The following LAMB3 variants were observed in gnomAD, a reference collection of about 807,000 sequenced individuals.
LAMB3 encodes laminin subunit beta 3, also known as laminin subunit beta-3.
Under a neutral mutation model 140.3 loss-of-function variants are expected in LAMB3, and 104 were observed. The observed-to-expected ratio is 0.74, with a 90% CI of 0.63 to 0.87. The LOEUF is 0.87. Ranked by LOEUF, LAMB3 falls within the 40% of genes least tolerant of loss-of-function variation. LAMB3 has a pLI of 0.00. For missense variants in LAMB3, 1,531 were observed against 1,575.2 expected (o/e 0.97, Z 0.47); for synonymous variants, 592 against 602.9 (o/e 0.98, Z 0.26).
chr1:209,649,821 T>G lies in LAMB3; in HGVS notation c.183+143A>C, dbSNP rs12089371. ...ATTCCTTAGAGGCAAGGATCTGGCC[T>G]TATACTTTTACTGCACTCCCCAGTC... On this transcript the variant is annotated intron_variant, in intron 3 of 22. Coordinates refer to ENST00000356082, the MANE Select transcript of LAMB3 (RefSeq NM_000228.3). The G allele has an allele frequency of 0.012, 10,742 of 917,972 alleles. 528 individuals are homozygous for G. The East Asian group carries it at 0.13, about 11-fold the overall frequency. The allele number at this position is 917,972 out of a possible 1,614,324, so 56.9% of individuals were successfully genotyped here. A position where few individuals can be genotyped will look rare whatever the true frequency, so the allele number is the denominator to read the frequency against.
At chr1:209,626,293 G>T (rs1364465034) in intron 13 of LAMB3, among the ~76,000 whole-genome samples, 1 of 152,184 alleles carries the variant, frequency 6.6e-6, no homozygotes, top group Non-Finnish European at 1.5e-5. Context: ...TAGCACTCTT[G>T]TTTTCCCACT....
intron 3 of LAMB3, among the ~76,000 whole-genome samples, chr1:209,644,395 C>T (rs1182360097): frequency 6.6e-6 from 1 of 152,176 alleles, no homozygotes; most frequent in African/African-American, 2.4e-5. Context: ...CAGCCTCAGT[C>T]CTCAGCAGTG....
intron 5 of LAMB3, among the ~76,000 whole-genome samples, chr1:209,635,817 A>G (rs557106264): frequency 5.3e-5 from 8 of 152,254 alleles, no homozygotes; most frequent in African/African-American, 1.9e-4. Context: ...ATCCTCCAAT[A>G]CTATTCTGGA....
intron 3 of LAMB3, among the ~76,000 whole-genome samples, chr1:209,644,409 A>G (rs924721888): frequency 5.3e-5 from 8 of 152,198 alleles, no homozygotes; most frequent in African/African-American, 1.9e-4. Context: ...AGCAGTGTAC[A>G]TATATTATCT....
In LAMB3 at chr1:209,651,007, T is replaced by A. The variant is rs145315604; in HGVS notation, c.-37-26A>T. On this transcript the variant is annotated intron_variant, in intron 1 of 22. Transcript: ENST00000356082. Reference sequence around the variant, plus strand: ...CTAGGACACAGCAAAGCAAACTGGGTACAACAGTGCAAACCCCTAGAGCAC... The same window carrying A: ...CTAGGACACAGCAAAGCAAACTGGGAACAACAGTGCAAACCCCTAGAGCAC... 421 of 1,474,740 alleles carry A rather than the reference T, an allele frequency of 2.9e-4. 3 individuals are homozygous for A. In the African/African-American group the frequency reaches 5.2e-3, roughly 18 times the overall value. 91.4% of individuals were successfully genotyped at this position (1,474,740 alleles called of 1,614,324 possible).
At position 209,617,503 on chromosome 1, in the gene LAMB3, C is replaced by T. The variant is rs756650682; in HGVS notation, c.3135G>A (p.Glu1045=). ...CCTGCTGCCGGGCTTGGTGGCGGAG[C>T]TCCTCCATCCGTGTCCAGAAGTCAC... ...QLGDFWTRME[E]LRHQARQQGA... is the part of the protein sequence containing the mutation. The change falls in exon 21 of 23, where the codon GAG becomes GAA. Residue 1045 remains glutamate, a synonymous_variant. Coordinates refer to ENST00000356082, the MANE Select transcript of LAMB3 (RefSeq NM_000228.3). 1 of 1,614,090 alleles carries T rather than the reference C, an allele frequency of 6.2e-7. No individual in the cohort carries two copies. The highest frequency in any genetic ancestry group is 1.1e-5 in the South Asian group (1 of 91,090).
At chr1:209,627,642 A>T in intron 11 of LAMB3, 63 bp from the exon 12 acceptor site, 1 of 1,498,788 alleles carries the variant, frequency 6.7e-7, no homozygotes, top group Non-Finnish European at 9.2e-7. Flanking sequence ...CCCAGAGGAC[A>T]CACATCCAGG....
chr1:209,623,576 C>T lies in LAMB3; in HGVS notation c.2287G>A (p.Gly763Ser), dbSNP rs759042889. Reference sequence around the variant, plus strand: ...CTCAGGGCCACAAGCTTGGGGCTGCCGGTGCCTCCTCCTCCTCCCGCCTGC... The same window carrying T: ...CTCAGGGCCACAAGCTTGGGGCTGCTGGTGCCTCCTCCTCCTCCCGCCTGC... ...VRQAGGGGGTGSPKLVALRLE... is the reference protein window; with the variant it reads ...VRQAGGGGGTSSPKLVALRLE... The change falls in exon 16 of 23, where the codon GGC becomes AGC. Residue 763 changes from glycine (G) to serine (S), a missense_variant. Transcript: ENST00000356082. This position sits in a 1 kb window ranked among gnomAD's most constrained non-coding sequence, Gnocchi z 4.2. 2.4e-5 allele frequency: 39 copies of T among 1,614,060 alleles called. No homozygotes were observed. The highest frequency in any genetic ancestry group is 2.2e-4 in the South Asian group (20 of 91,088).
intron 3 of LAMB3, among the ~76,000 whole-genome samples, chr1:209,639,453 G>A (rs2076444511): frequency 6.6e-6 from 1 of 152,156 alleles, no homozygotes; most frequent in Non-Finnish European, 1.5e-5. Flanking sequence ...GCCTCACTGG[G>A]GAGGTCACCA....
At chr1:209,616,425 C>G (rs766113075) in intron 22 of LAMB3, 46 bp downstream of exon 22, 1 of 1,609,480 alleles carries the variant, frequency 6.2e-7, no homozygotes, top group Non-Finnish European at 8.5e-7. Flanking sequence ...GTGGGACCAG[C>G]CTTCATGAAT....
At position 209,618,611 on chromosome 1, in the gene LAMB3, A is replaced by G. The variant is rs1289055368; in HGVS notation, c.2750T>C (p.Leu917Pro). The change falls in exon 19 of 23, where the codon CTG becomes CCG. Residue 917 changes from leucine (L) to proline (P), a missense_variant. Coordinates refer to ENST00000356082, the MANE Select transcript of LAMB3 (RefSeq NM_000228.3). Reference sequence around the variant, plus strand: ...TGAGTCTGTGGGCAGCCACAGGGCCAGCACGGCCTCGCTGACCTCCTGGAT... The same window carrying G: ...TGAGTCTGTGGGCAGCCACAGGGCCGGCACGGCCTCGCTGACCTCCTGGAT... ...ATIQEVSEAVLALWLPTDSAT... is the reference protein window; with the variant it reads ...ATIQEVSEAVPALWLPTDSAT... 6.8e-6 allele frequency: 11 copies of G among 1,614,260 alleles called. No individual in the cohort carries two copies. Among genetic ancestry groups the G allele is most frequent in the Non-Finnish European group, 9.3e-6 (11 of 1,180,044 alleles).
At position 209,651,201 on chromosome 1, in the gene LAMB3, A is replaced by C. The variant is rs2076563854; in HGVS notation, c.-37-220T>G. On this transcript the variant is annotated intron_variant, in intron 1 of 22. Coordinates refer to ENST00000356082, the MANE Select transcript of LAMB3 (RefSeq NM_000228.3). ...TGTGACTCACAGGGTGCCCTGGGAA[A>C]ATCCCATCCCTTCCCAGACTCCAGC... is the stretch of plus-strand genomic sequence containing the variant. The C allele has an allele frequency of 7.4e-6, 4 of 543,526 alleles. No homozygotes were observed. In the East Asian group the frequency reaches 1.3e-4, roughly 18 times the overall value. 33.7% of individuals were successfully genotyped at this position (543,526 alleles called of 1,614,324 possible). A position where few individuals can be genotyped will look rare whatever the true frequency, so the allele number is the denominator to read the frequency against.
chr1:209,622,100 T>A (rs559178346), intron 18 of LAMB3, among the ~76,000 whole-genome samples: 2 of 152,084 alleles, frequency 1.3e-5, no homozygotes, highest in Non-Finnish European at 1.5e-5. Flanking sequence ...CAAATAAACA[T>A]CCCTGAAGCA....
At chr1:209,637,135 A>G (rs1230347641) in intron 5 of LAMB3, among the ~76,000 whole-genome samples, 5 of 152,210 alleles carry the variant, frequency 3.3e-5, no homozygotes, top group African/African-American at 1.2e-4. Context: ...TATTCAAACA[A>G]TGCTGGCATT....
rs550653090 is a variant in LAMB3 at position 209,648,243 on chromosome 1, G to T, written c.183+1721C>A. Among the ~76,000 whole-genome samples, 6 of 152,218 alleles carry T rather than the reference G, an allele frequency of 3.9e-5. No individual in the cohort carries two copies. In the East Asian group the frequency reaches 1.2e-3, roughly 29 times the overall value. ...TGCCAAAGAATGTTAGGGAAAAGGAGGGACCCTAAAGACCATCTCATCTAA... is the reference window on the plus strand; with the variant it reads ...TGCCAAAGAATGTTAGGGAAAAGGATGGACCCTAAAGACCATCTCATCTAA... On this transcript the variant is annotated intron_variant, in intron 3 of 22. Transcript: ENST00000356082.
chr1:209,622,350 T>C (rs554321017), intron 18 of LAMB3, among the ~76,000 whole-genome samples, 186 bp downstream of exon 18: 3 of 152,076 alleles, frequency 2.0e-5, no homozygotes, highest in African/African-American at 2.4e-5. Context: ...TCACAAGGGA[T>C]TGGAGTGGGT....
chr1:209,635,141 C>T lies in LAMB3; in HGVS notation c.373-503G>A, dbSNP rs948046162. On this transcript the variant is annotated intron_variant, in intron 5 of 22. Coordinates refer to ENST00000356082, the MANE Select transcript of LAMB3 (RefSeq NM_000228.3). ...TAGCATGACATATTGAGTCCCTGCT[C>T]CTTCCTACAAAATGATTTCATCCAT... Among the ~76,000 whole-genome samples the T allele has an allele frequency of 4.8e-4, 73 of 152,156 alleles. 1 individual carries two copies. Among genetic ancestry groups the T allele is most frequent in the Non-Finnish European group, 2.9e-5 (2 of 68,024 alleles).
intron 9 of LAMB3, among the ~76,000 whole-genome samples, chr1:209,630,180 G>A (rs924480410): frequency 6.6e-6 from 1 of 152,106 alleles, no homozygotes; most frequent in African/African-American, 2.4e-5. Flanking sequence ...GGCCATGTTG[G>A]GCCAAAGAAA....
rs538063446 is a variant in LAMB3, at chr1:209,623,293, A to G, written c.2359-114T>C. 1 of 1,137,564 alleles carries G rather than the reference A, an allele frequency of 8.8e-7. No individual in the cohort carries two copies. Among genetic ancestry groups the G allele is most frequent in the African/African-American group, 1.5e-5 (1 of 65,226 alleles). 70.5% of individuals were successfully genotyped at this position (1,137,564 alleles called of 1,614,324 possible). A position where few individuals can be genotyped will look rare whatever the true frequency, so the allele number is the denominator to read the frequency against. On this transcript the variant is annotated intron_variant, in intron 16 of 22. Coordinates refer to ENST00000356082, the MANE Select transcript of LAMB3 (RefSeq NM_000228.3). This position sits in a 1 kb window ranked among gnomAD's most constrained non-coding sequence, Gnocchi z 4.2. Reference sequence around the variant, plus strand: ...TCTCCATGACAACCAAGCACCAGAAACAGCCAGACATCTCCATGAGAGCTA... The same window carrying G: ...TCTCCATGACAACCAAGCACCAGAAGCAGCCAGACATCTCCATGAGAGCTA...
Sources: allele counts gnomAD v4.1 joint callset (sites outside exome capture counted in the v4.1 genomes callset), GRCh38; gene constraint gnomAD v4.1.1; non-coding constraint Gnocchi (gnomAD v3.1); transcripts MANE v1.5; gene names NCBI Gene and HGNC (gene_info 2026-07-23, HGNC 2026-07-21).